Variants in HIVEP3 observed in about 807,000 individuals in gnomAD.
HIVEP3 encodes the protein transcription factor HIVEP3.
A neutral mutation model predicts 152.8 loss-of-function variants in HIVEP3; 49 were observed. The ratio of observed to expected loss-of-function variants is 0.32; its 90% CI spans 0.26 to 0.41. The LOEUF is 0.41. HIVEP3 is among the 10% of genes least tolerant of loss of function. HIVEP3 has a pLI of 1.00. For synonymous variants in HIVEP3, 1,269 were observed against 1,289.0 expected (o/e 0.98, Z 0.33); for missense variants, 2,790 against 3,103.3 (o/e 0.90, Z 2.40).
chr1:41,738,943 C>A (rs962588337), intron 1 of HIVEP3, among the ~76,000 whole-genome samples: 1 of 152,208 alleles, frequency 6.6e-6, no homozygotes, highest in African/African-American at 2.4e-5. Flanking sequence ...TGAACCATGG[C>A]GCCATTAGAC....
chr1:41,854,561 A>T (rs530111274), intron 1 of HIVEP3, among the ~76,000 whole-genome samples: 5 of 122,266 alleles, frequency 4.1e-5, no homozygotes, highest in African/African-American at 1.7e-4. Flanking sequence ...TTTAGGGTAC[A>T]TGTGCACATT....
Position 41,584,745 on chromosome 1 carries a change from C to T in HIVEP3, c.53G>A (p.Arg18Gln), listed in dbSNP as rs199627359. 1.4e-5 allele frequency: 22 copies of T among 1,521,466 alleles called. No homozygotes were observed. The highest frequency in any genetic ancestry group is 1.1e-4 in the East Asian group (5 of 44,094). 94.2% of individuals were successfully genotyped at this position (1,521,466 alleles called of 1,614,324 possible). Reference protein sequence around the residue: ...KGTKKAEGSPRKRLTKGEAIQ... With the variant: ...KGTKKAEGSPQKRLTKGEAIQ... ...GGCCTCTCCTTTGGTCAGCCGCTTC[C>T]GGGGACTTCCCTCAGCCTTCTTGGT... Residue 18 changes from arginine to glutamine, a missense_variant, in exon 4 of 9, where the codon CGG becomes CAG. Physicochemically the swap from Arg to Gln is conservative, Grantham distance 43 (BLOSUM62 1). This residue lies in a region of HIVEP3 where 209 missense variants were observed against 237.0 expected (regional missense o/e 0.88). Transcript: ENST00000372583. The surrounding 1 kb of genome is among the most constrained non-coding windows in gnomAD (Gnocchi z 5.2).
At chr1:41,556,347 T>C (rs1643966552) in intron 5 of HIVEP3, among the ~76,000 whole-genome samples, 2 of 152,264 alleles carry the variant, frequency 1.3e-5, no homozygotes, top group Admixed American at 1.3e-4. Flanking sequence ...TATCTCATTG[T>C]AGTTTGGACT....
intron 1 of HIVEP3, among the ~76,000 whole-genome samples, chr1:41,868,524 A>G (rs1232421407): frequency 6.6e-6 from 1 of 152,200 alleles, no homozygotes; most frequent in Non-Finnish European, 1.5e-5. Flanking sequence ...ACTAGTCTCC[A>G]ATTTTTTGTT....
intron 3 of HIVEP3, among the ~76,000 whole-genome samples, chr1:41,608,258 G>A (rs1414293431): frequency 6.6e-6 from 1 of 152,198 alleles, no homozygotes; most frequent in Non-Finnish European, 1.5e-5. Context: ...GACAGGAAGT[G>A]GCCAGGGAAC....
At position 41,868,165 on chromosome 1, in the gene HIVEP3, C is replaced by T. The variant is rs573793453; in HGVS notation, c.-801+50248G>A. Among the ~76,000 whole-genome samples, 31 of 151,380 alleles carry T rather than the reference C, an allele frequency of 2.0e-4. 1 individual carries two copies. The highest frequency in any genetic ancestry group is 4.1e-4 in the Non-Finnish European group (28 of 67,904). Reference sequence around the variant, plus strand: ...CCCTGCTTTTCCTCTTAGCCATGAACACCATCAGTAGTTATATAATAGTTT... The same window carrying T: ...CCCTGCTTTTCCTCTTAGCCATGAATACCATCAGTAGTTATATAATAGTTT... On this transcript the variant is annotated intron_variant, in intron 1 of 8. Coordinates refer to ENST00000372583, the MANE Select transcript of HIVEP3 (RefSeq NM_024503.5).
chr1:41,811,712 A>T (rs1650972009), intron 1 of HIVEP3, among the ~76,000 whole-genome samples: 1 of 151,902 alleles, frequency 6.6e-6, no homozygotes, highest in South Asian at 2.1e-4. Context: ...GGGAAAGGCG[A>T]AACGTCAGGA....
At chr1:41,706,257 G>A (rs544938793) in intron 1 of HIVEP3, among the ~76,000 whole-genome samples, 36 of 152,048 alleles carry the variant, frequency 2.4e-4, no homozygotes, top group Non-Finnish European at 4.3e-4. Context: ...TGTTCTCATC[G>A]TTGTGTCCGA....
intron 2 of HIVEP3, among the ~76,000 whole-genome samples, chr1:41,639,479 C>G (rs984650273): frequency 1.3e-5 from 2 of 152,180 alleles, no homozygotes; most frequent in African/African-American, 4.8e-5. Context: ...GGATCAGATG[C>G]GACAAAGTGT....
chr1:41,774,922 A>C (rs1049587713), intron 1 of HIVEP3, among the ~76,000 whole-genome samples: 2 of 151,976 alleles, frequency 1.3e-5, no homozygotes, highest in Non-Finnish European at 2.9e-5. Context: ...CAGCTTCCTA[A>C]GTAGCTGGGA....
At chr1:41,715,128 C>T (rs549583565) in intron 1 of HIVEP3, among the ~76,000 whole-genome samples, 12 of 152,318 alleles carry the variant, frequency 7.9e-5, no homozygotes, top group Admixed American at 3.3e-4. Flanking sequence ...CCTTCAGCTG[C>T]GGAACCCCAG....
In HIVEP3 at chr1:41,581,229, G is replaced by C; in HGVS notation, c.3569C>G (p.Pro1190Arg). ...CAGAACAGTAGGCTGGAGAGGAAGC[G>C]GTGGGGCTTGAAATAAGGAGGGAGG... ...PLPPSLFQAP[P>R]LPLQPTVLHP... The change falls in exon 4 of 9, where the codon CCG (proline) becomes CGG (arginine). Residue 1190 changes from proline (P) to arginine (R), a missense_variant. Physicochemically the swap from Pro to Arg is moderately radical, Grantham distance 103. Around this residue, in one of 9 missense-constraint regions of HIVEP3, gnomAD observed 1,078 missense variants for 1,165.3 expected, o/e 0.93. Transcript: ENST00000372583. The surrounding 1 kb of genome is among the most constrained non-coding windows in gnomAD (Gnocchi z 4.5). 1 of 1,577,318 alleles carries C rather than the reference G, an allele frequency of 6.3e-7. No homozygotes were observed. The highest frequency in any genetic ancestry group is 1.7e-4 in the Middle Eastern group (1 of 5,880).
chr1:41,855,894 T>C lies in HIVEP3; in HGVS notation c.-801+62519A>G, dbSNP rs558561620. 2.7e-3 allele frequency among the ~76,000 whole-genome samples: 406 copies of C among 152,226 alleles called. 4 individuals are homozygous for C. Among genetic ancestry groups the C allele is most frequent in the Non-Finnish European group, 4.1e-3 (279 of 68,000 alleles). The stretch of plus-strand genomic sequence containing the variant: ...TGATGAATCAGAGGGGCTGGAATGA[T>C]TGATTGATTGAGACAGAGTCTTGCT... On this transcript the variant is annotated intron_variant, in intron 1 of 8. Transcript: ENST00000372583.
At chr1:41,811,996 G>A (rs1032943305) in intron 1 of HIVEP3, among the ~76,000 whole-genome samples, 2 of 152,162 alleles carry the variant, frequency 1.3e-5, no homozygotes, top group Non-Finnish European at 2.9e-5. Flanking sequence ...ACTGGCTTAA[G>A]AAGACAGAAG....
At chr1:41,802,495 C>G (rs1432661767) in intron 1 of HIVEP3, among the ~76,000 whole-genome samples, 1 of 152,182 alleles carries the variant, frequency 6.6e-6, no homozygotes, top group East Asian at 1.9e-4. Flanking sequence ...GGATTACTGG[C>G]ATGAACCATT....
chr1:41,657,548 A>T (rs1281402835), intron 2 of HIVEP3, among the ~76,000 whole-genome samples: 1 of 152,204 alleles, frequency 6.6e-6, no homozygotes, highest in Non-Finnish European at 1.5e-5. Flanking sequence ...CAGCTGATTC[A>T]TTCACAAATA....
rs144630417 is a variant in HIVEP3, at chr1:41,746,904, G to A, written c.-800-45909C>T. On this transcript the variant is annotated intron_variant, in intron 1 of 8. Coordinates refer to ENST00000372583, the MANE Select transcript of HIVEP3 (RefSeq NM_024503.5). ...AGGGTATAAATGCCCTGGTTCCCTC[G>A]CAGGTGCACAGAGTAGAGAATGAGC... Among the ~76,000 whole-genome samples, 342 of 152,242 alleles carry A rather than the reference G, an allele frequency of 2.2e-3. 1 individual carries two copies. Among genetic ancestry groups the A allele is most frequent in the Non-Finnish European group, 2.5e-3 (170 of 68,006 alleles).
intron 1 of HIVEP3, among the ~76,000 whole-genome samples, chr1:41,722,053 G>T (rs1646681136): frequency 6.6e-6 from 1 of 152,166 alleles, no homozygotes; most frequent in African/African-American, 2.4e-5. Flanking sequence ...GAACTGAGAG[G>T]GCCTCTGGCC....
intron 1 of HIVEP3, among the ~76,000 whole-genome samples, chr1:41,989,847 G>C (rs1645349101): frequency 6.8e-6 from 1 of 147,444 alleles, no homozygotes; most frequent in African/African-American, 2.5e-5. Context: ...CCTGAATACA[G>C]CACACTGATG....
Sources: gnomAD v4.1 joint callset for allele counts (sites outside exome capture counted in the v4.1 genomes callset) on GRCh38, gnomAD v4.1.1 for gene constraint, gnomAD v4.1.1 regional missense constraint, Gnocchi (gnomAD v3.1) non-coding constraint, MANE v1.5 for transcripts, NCBI Gene and HGNC (gene_info 2026-07-23, HGNC 2026-07-21) for gene names.